Variants in STARD13 observed in about 807,000 individuals in gnomAD.
The protein encoded by STARD13 is StAR related lipid transfer domain containing 13.
Under a neutral mutation model 106.4 loss-of-function variants are expected in STARD13, and 62 were observed. The ratio of observed to expected loss-of-function variants is 0.58; its 90% CI spans 0.48 to 0.72. The LOEUF (loss-of-function observed/expected upper bound fraction) is 0.72. Ranked by LOEUF, STARD13 falls within the 30% of genes least tolerant of loss-of-function variation. The pLI is 0.00. For synonymous variants in STARD13, 565 were observed against 553.0 expected (o/e 1.02, Z -0.31); for missense variants, 1,387 against 1,424.0 (o/e 0.97, Z 0.42).
chr13:33,580,600 G>C, the STARD13 span, among the ~76,000 whole-genome samples: 1 of 152,020 alleles, frequency 6.6e-6, no homozygotes, highest in Non-Finnish European at 1.5e-5. Flanking sequence ...TGTACCACAC[G>C]AATAAAATAT....
intron 1 of STARD13, among the ~76,000 whole-genome samples, chr13:33,209,137 C>G (rs991431066): frequency 6.6e-6 from 1 of 152,086 alleles, no homozygotes; most frequent in African/African-American, 2.4e-5. Context: ...GGGTGGGGAC[C>G]TCAGGACTTG....
chr13:33,664,227 C>T, the STARD13 span, among the ~76,000 whole-genome samples: 1 of 152,196 alleles, frequency 6.6e-6, no homozygotes, highest in African/African-American at 2.4e-5. Flanking sequence ...CGGGGAGGCT[C>T]TTTTCACTCT....
the STARD13 span, among the ~76,000 whole-genome samples, chr13:33,481,090 A>G: frequency 6.6e-6 from 1 of 151,988 alleles, no homozygotes; most frequent in East Asian, 1.9e-4. Flanking sequence ...ATAATTCACC[A>G]CTAGAGGATC....
intron 1 of STARD13, among the ~76,000 whole-genome samples, chr13:33,314,447 G>A (rs1283768998): frequency 6.6e-6 from 1 of 152,180 alleles, no homozygotes; most frequent in African/African-American, 2.4e-5. Flanking sequence ...GTGTTATCAG[G>A]ATAAGGACTT....
intron 12 of STARD13, among the ~76,000 whole-genome samples, chr13:33,109,323 A>C (rs1262617033): frequency 6.6e-6 from 1 of 152,122 alleles, no homozygotes; most frequent in African/African-American, 2.4e-5. Flanking sequence ...CAACCCTTAC[A>C]TCAATCAGAA....
chr13:33,171,362 T>A (rs2138394926), intron 1 of STARD13, among the ~76,000 whole-genome samples: 1 of 152,354 alleles, frequency 6.6e-6, no homozygotes, highest in Non-Finnish European at 1.5e-5. Flanking sequence ...ACTGTGCTGC[T>A]TTGCTGGTGA....
intron 1 of STARD13, chr13:33,276,785 G>A (rs1398744194): frequency 6.6e-6 from 1 of 152,166 alleles, no homozygotes; most frequent in South Asian, 2.1e-4. Context: ...CAATCTCTCT[G>A]CATTGTTTCG....
chr13:33,188,047 A>C lies in STARD13; in HGVS notation c.170-20425T>G, dbSNP rs185080552. 35 of 152,310 alleles carry C rather than the reference A, an allele frequency of 2.3e-4. 1 individual carries two copies. Among genetic ancestry groups the C allele is most frequent in the Admixed American group, 1.7e-3 (26 of 15,296 alleles). 9.4% of individuals were successfully genotyped at this position (152,310 alleles called of 1,614,324 possible). A position where few individuals can be genotyped will look rare whatever the true frequency, so the allele number is the denominator to read the frequency against. On this transcript the variant is annotated intron_variant, in intron 1 of 13. Coordinates refer to ENST00000336934, the MANE Select transcript of STARD13 (RefSeq NM_178006.4). The stretch of plus-strand genomic sequence containing the variant: ...CGGCTGACTATGGGATAGACCTTTG[A>C]GTGGACTCTGATTCTAGCCTTCCTG...
At chr13:33,642,326 G>A in the STARD13 span, among the ~76,000 whole-genome samples, 1 of 152,240 alleles carries the variant, frequency 6.6e-6, no homozygotes, top group Admixed American at 6.5e-5. Context: ...ACAGAAGGCT[G>A]CATTCAGCAG....
chr13:33,448,327 T>A, the STARD13 span, among the ~76,000 whole-genome samples: 1 of 152,158 alleles, frequency 6.6e-6, no homozygotes. Flanking sequence ...GAGAACAACT[T>A]TTTTAGATTT....
the STARD13 span, among the ~76,000 whole-genome samples, chr13:33,385,850 CAAAAAAAAAAAAACAAAAA>C: frequency 2.0e-5 from 1 of 49,504 alleles, no homozygotes; most frequent in Non-Finnish European, 4.7e-5. Flanking sequence ...GACTCTGTCT[CAAAAAAAAAAAAACAAAAA>C]AAAAAAAATT....
chr13:33,629,099 C>T, the STARD13 span, among the ~76,000 whole-genome samples: 1 of 152,310 alleles, frequency 6.6e-6, no homozygotes, highest in East Asian at 1.9e-4. Flanking sequence ...AGCTCTACTT[C>T]TTGTATGTCT....
chr13:33,662,585 G>C, the STARD13 span, among the ~76,000 whole-genome samples: 1 of 152,118 alleles, frequency 6.6e-6, no homozygotes, highest in Non-Finnish European at 1.5e-5. Flanking sequence ...TTCACGTTCT[G>C]CCGTTTTCAG....
At chr13:33,423,465 G>C in the STARD13 span, among the ~76,000 whole-genome samples, 16 of 142,430 alleles carry the variant, frequency 1.1e-4, no homozygotes, top group Non-Finnish European at 1.8e-4. Flanking sequence ...AGAGGATGTG[G>C]AGAAATAGGA....
chr13:33,403,239 C>T, the STARD13 span, among the ~76,000 whole-genome samples: 1 of 152,228 alleles, frequency 6.6e-6, no homozygotes, highest in Non-Finnish European at 1.5e-5. Flanking sequence ...ACCCCTGCTG[C>T]ACATCCTGCA....
intron 1 of STARD13, among the ~76,000 whole-genome samples, chr13:33,321,652 G>A (rs755646251): frequency 6.6e-6 from 1 of 152,140 alleles, no homozygotes; most frequent in Non-Finnish European, 1.5e-5. Flanking sequence ...GAAAACTGAG[G>A]TCGAGTGGTG....
chr13:33,557,942 C>T, the STARD13 span, among the ~76,000 whole-genome samples: 11 of 152,104 alleles, frequency 7.2e-5, no homozygotes, highest in Admixed American at 2.0e-4. Context: ...TTCTGTGCAT[C>T]GGAACATTCT....
chr13:33,624,383 G>A, the STARD13 span, among the ~76,000 whole-genome samples: 18,440 of 152,254 alleles, frequency 0.12, 2,831 homozygotes, highest in African/African-American at 0.36. Flanking sequence ...CCCGCTGCGG[G>A]CAGAGTGAGG....
At chr13:33,206,089 A>G (rs1435051797) in intron 1 of STARD13, 35 of 810,180 alleles carry the variant, frequency 4.3e-5, no homozygotes, top group Non-Finnish European at 5.2e-5. Flanking sequence ...CTAAGAGAAA[A>G]AAACGAAAAC....
Sources: gnomAD v4.1 joint callset for allele counts (sites outside exome capture counted in the v4.1 genomes callset) on GRCh38, gnomAD v4.1.1 for gene constraint, MANE v1.5 for transcripts, NCBI Gene and HGNC (gene_info 2026-07-23, HGNC 2026-07-21) for gene names.